The following PVT1 variants were observed in gnomAD, a reference collection of about 807,000 sequenced individuals.
The protein encoded by PVT1 is Pvt1 oncogene, also known as CXCR4/PVT1 fusion.
intron 3 of PVT1, among the ~76,000 whole-genome samples, chr8:127,966,264 T>A (rs1816701900): frequency 1.3e-5 from 2 of 152,174 alleles, no homozygotes; most frequent in African/African-American, 4.8e-5. Flanking sequence ...TACCAAAAGC[T>A]GTGGAAAGAG....
At chr8:128,067,338 C>T (rs1767277153) in intron 4 of PVT1, among the ~76,000 whole-genome samples, 1 of 151,948 alleles carries the variant, frequency 6.6e-6, no homozygotes, top group South Asian at 2.1e-4. Context: ...AAGGGGAAAA[C>T]TGACGTGGAG....
At chr8:127,808,566 T>C (rs1284029163) in intron 2 of PVT1, among the ~76,000 whole-genome samples, 1 of 152,116 alleles carries the variant, frequency 6.6e-6, no homozygotes, top group Non-Finnish European at 1.5e-5. Context: ...GTGGCTAAGC[T>C]GGGTGGTTCC....
chr8:128,047,307 G>C (rs1813627806), intron 4 of PVT1, among the ~76,000 whole-genome samples: 1 of 152,218 alleles, frequency 6.6e-6, no homozygotes, highest in African/African-American at 2.4e-5. Context: ...GTGTCTTGCT[G>C]CTAAGTTCCG....
chr8:127,978,007 T>C (rs1464212356), intron 3 of PVT1, among the ~76,000 whole-genome samples: 1 of 152,224 alleles, frequency 6.6e-6, no homozygotes, highest in Non-Finnish European at 1.5e-5. Context: ...CAGCATCTGA[T>C]GAGCAGAGCA....
chr8:127,922,272 A>ACC (rs1178796690), intron 3 of PVT1, among the ~76,000 whole-genome samples: 28 of 24,380 alleles, frequency 1.1e-3, no homozygotes, highest in African/African-American at 6.1e-3. Flanking sequence ...TTTCCAAGAT[A>ACC]CCCACCCCCC....
intron 4 of PVT1, among the ~76,000 whole-genome samples, chr8:128,046,304 A>T (rs1813611437): frequency 6.6e-6 from 1 of 152,190 alleles, no homozygotes; most frequent in Admixed American, 6.5e-5. Context: ...AACCAACAAA[A>T]TGGCCCTAAG....
chr8:127,975,723 G>C (rs1003318722), intron 3 of PVT1, among the ~76,000 whole-genome samples: 4 of 152,180 alleles, frequency 2.6e-5, no homozygotes, highest in African/African-American at 9.7e-5. Flanking sequence ...TTTGTCTTAT[G>C]AGCTAGGCAG....
chr8:128,057,230 A>C (rs1813772152), intron 4 of PVT1, among the ~76,000 whole-genome samples: 1 of 152,132 alleles, frequency 6.6e-6, no homozygotes, highest in South Asian at 2.1e-4. Context: ...TTTATTGAGC[A>C]TTAATACTGT....
chr8:127,892,946 C>T (rs902836708), intron 3 of PVT1, among the ~76,000 whole-genome samples: 1 of 152,174 alleles, frequency 6.6e-6, no homozygotes, highest in African/African-American at 2.4e-5. Flanking sequence ...GCAGCTGTGC[C>T]TCACTTATCA....
At chr8:128,036,098 G>C (rs1813458739) in intron 4 of PVT1, among the ~76,000 whole-genome samples, 1 of 152,204 alleles carries the variant, frequency 6.6e-6, no homozygotes. Flanking sequence ...TGATGAAGGA[G>C]ACTGAATGGC....
At chr8:127,866,017 A>G (rs1815283074) in intron 2 of PVT1, among the ~76,000 whole-genome samples, 1 of 152,194 alleles carries the variant, frequency 6.6e-6, no homozygotes, top group African/African-American at 2.4e-5. Flanking sequence ...ATAAATTCAC[A>G]TGCCCATGGC....
At chr8:128,000,285 C>T (rs1390014998) in intron 4 of PVT1, among the ~76,000 whole-genome samples, 3 of 152,200 alleles carry the variant, frequency 2.0e-5, no homozygotes, top group African/African-American at 7.2e-5. Context: ...CCTTCTCAGC[C>T]AGGCGTCCCA....
intron 2 of PVT1, among the ~76,000 whole-genome samples, chr8:127,836,129 G>C (rs959720721): frequency 6.6e-6 from 1 of 152,018 alleles, no homozygotes; most frequent in African/African-American, 2.4e-5. Flanking sequence ...GGATGCTGCT[G>C]AATTTCACTG....
intron 3 of PVT1, among the ~76,000 whole-genome samples, chr8:127,966,174 A>G (rs1433022024): frequency 6.6e-6 from 1 of 152,220 alleles, no homozygotes; most frequent in Non-Finnish European, 1.5e-5. Flanking sequence ...AGAGAATGCA[A>G]ACGTTAATAG....
chr8:127,922,287 C>CG, intron 3 of PVT1, among the ~76,000 whole-genome samples: 1 of 76,844 alleles, frequency 1.3e-5, no homozygotes, highest in East Asian at 3.5e-4. Flanking sequence ...CCCCCCCCCC[C>CG]ACCAAGGAGG....
rs557472869 is a variant in PVT1, at chr8:127,895,220, C to T, written n.782+4222C>T. Among the ~76,000 whole-genome samples, 5 of 152,322 alleles carry T rather than the reference C, an allele frequency of 3.3e-5. No individual in the cohort carries two copies. In the South Asian group the frequency reaches 1.0e-3, roughly 32 times the overall value. Reference sequence around the variant, plus strand: ...GCACAGTGGCTCACACATGTAATCCCAGCACTTTGGGAGGCCGAGGTGGGC... The same window carrying T: ...GCACAGTGGCTCACACATGTAATCCTAGCACTTTGGGAGGCCGAGGTGGGC... On this transcript the variant is annotated intron_variant and non_coding_transcript_variant, in intron 3 of 10. Coordinates refer to ENST00000651587, the Ensembl canonical transcript of PVT1.
chr8:128,031,867 C>T lies in PVT1; in HGVS notation n.913-38293C>T, dbSNP rs140762057. Reference sequence around the variant, plus strand: ...GAGAAGACAATCCGGCGTTTGAACCCGGGGCTCTGGTTGTGAAACACTGGT... The same window carrying T: ...GAGAAGACAATCCGGCGTTTGAACCTGGGGCTCTGGTTGTGAAACACTGGT... On this transcript the variant is annotated intron_variant and non_coding_transcript_variant, in intron 4 of 10. Coordinates refer to ENST00000651587, the Ensembl canonical transcript of PVT1. Among the ~76,000 whole-genome samples the T allele has an allele frequency of 9.2e-5, 14 of 152,240 alleles. No homozygotes were observed. The East Asian group carries it at 2.7e-3, about 29-fold the overall frequency.
intron 4 of PVT1, among the ~76,000 whole-genome samples, chr8:127,990,263 C>T (rs986555812): frequency 6.6e-6 from 1 of 152,168 alleles, no homozygotes; most frequent in African/African-American, 2.4e-5. Flanking sequence ...GGCTACTGCA[C>T]TGGGTTGAAA....
intron 3 of PVT1, among the ~76,000 whole-genome samples, chr8:127,961,641 C>T (rs1333673491): frequency 1.3e-5 from 2 of 152,228 alleles, no homozygotes; most frequent in African/African-American, 4.8e-5. Context: ...AAATGTATAA[C>T]CTTGTCCGTA....
Sources: gnomAD v4.1 joint callset for allele counts (sites outside exome capture counted in the v4.1 genomes callset) on GRCh38, gnomAD v4.1.1 for gene constraint, MANE v1.5 for transcripts, NCBI Gene and HGNC (gene_info 2026-07-23, HGNC 2026-07-21) for gene names.